Variants in PLCG2 observed in about 807,000 individuals in gnomAD.
PLCG2 encodes the protein 1-phosphatidylinositol 4,5-bisphosphate phosphodiesterase gamma-2.
In PLCG2, 69 loss-of-function variants were observed where a neutral mutation model predicts 175.6. The observed-to-expected ratio is 0.39, with a 90% CI of 0.32 to 0.48. PLCG2 has a LOEUF of 0.48. PLCG2 is among the 20% of genes least tolerant of loss of function. The pLI, the probability that PLCG2 is intolerant of heterozygous loss-of-function variation, is 0.91. For synonymous variants in PLCG2, 827 were observed against 624.0 expected, an observed-to-expected ratio of 1.33 and a Z score of -4.85; for missense variants, 1,798 against 1,650.9, an observed-to-expected ratio of 1.09 and a Z score of -1.54.
Position 81,962,065 on chromosome 16 carries a change from T to C in PLCG2, c.*4067T>C, listed in dbSNP as rs950103025. On this transcript the variant is annotated 3_prime_UTR_variant, in exon 33 of 33. Coordinates refer to ENST00000564138, the MANE Select transcript of PLCG2 (RefSeq NM_002661.5). Reference sequence around the variant, plus strand: ...GTCCCTCCCGAAGCTGCGCGCTCCGTCGAAGAGGACGACCAACCCCGATAG... The same window carrying C: ...GTCCCTCCCGAAGCTGCGCGCTCCGCCGAAGAGGACGACCAACCCCGATAG... 2.1e-5 allele frequency: 4 copies of C among 187,550 alleles called. No homozygotes were observed. Among genetic ancestry groups the C allele is most frequent in the Non-Finnish European group, 4.5e-5 (4 of 88,072 alleles). The allele number at this position is 187,550 out of a possible 1,614,324, so 11.6% of individuals were successfully genotyped here.
intron 5 of PLCG2, among the ~76,000 whole-genome samples, chr16:81,860,630 C>G (rs768175868): frequency 2.0e-5 from 3 of 152,028 alleles, no homozygotes; most frequent in Non-Finnish European, 4.4e-5. Context: ...ATTTTTAATT[C>G]ATTATGTTTT....
At chr16:81,879,615 G>T (rs1907981656) in intron 7 of PLCG2, among the ~76,000 whole-genome samples, 2 of 152,156 alleles carry the variant, frequency 1.3e-5, no homozygotes, top group Admixed American at 1.3e-4. Flanking sequence ...GGGTCATCTG[G>T]GGTAGGAGAT....
chr16:81,957,911 A>G (rs781288076), intron 32 of PLCG2, 45 bp from the exon 33 acceptor site: 2 of 1,576,886 alleles, frequency 1.3e-6, no homozygotes, highest in South Asian at 1.1e-5. Flanking sequence ...CACGCAGCCC[A>G]TTTCTCATGG....
intron 29 of PLCG2, 53 bp from the exon 30 acceptor site, chr16:81,939,839 C>T: frequency 7.8e-7 from 1 of 1,274,916 alleles, no homozygotes; most frequent in Non-Finnish European, 1.1e-6. Context: ...GATTGTCTTA[C>T]CAGAAGGGGG....
At chr16:81,768,602 G>T (rs976839019) in intron 2 of PLCG2, among the ~76,000 whole-genome samples, 2 of 117,298 alleles carry the variant, frequency 1.7e-5, no homozygotes, top group Non-Finnish European at 3.3e-5. Context: ...TTTCGCTCTT[G>T]TTGCCCAGGC....
intron 5 of PLCG2, among the ~76,000 whole-genome samples, chr16:81,866,094 C>T (rs1274631638): frequency 2.6e-5 from 3 of 116,376 alleles, no homozygotes; most frequent in Non-Finnish European, 5.1e-5. Flanking sequence ...CCACTGGGCA[C>T]CAGCATGAGA....
intron 5 of PLCG2, among the ~76,000 whole-genome samples, chr16:81,860,885 G>A (rs957879856): frequency 1.3e-5 from 2 of 152,070 alleles, no homozygotes; most frequent in African/African-American, 4.8e-5. Flanking sequence ...GCTGAGGCAG[G>A]AGAATTGCTT....
intron 2 of PLCG2, among the ~76,000 whole-genome samples, chr16:81,847,752 C>T (rs1272315318): frequency 6.6e-6 from 1 of 152,168 alleles, no homozygotes; most frequent in Non-Finnish European, 1.5e-5. Context: ...TAATTATTTA[C>T]ATAACATTTA....
intron 13 of PLCG2, among the ~76,000 whole-genome samples, chr16:81,899,111 C>G (rs1416204169): frequency 2.0e-5 from 3 of 152,134 alleles, no homozygotes; most frequent in African/African-American, 7.2e-5. Flanking sequence ...ATTGCTTGAA[C>G]TTGGGAGGCG....
intron 2 of PLCG2, 144 bp downstream of exon 2, chr16:81,786,326 G>C: frequency 1.4e-6 from 1 of 713,026 alleles, no homozygotes; most frequent in East Asian, 2.8e-5. Flanking sequence ...AGCATTGCCA[G>C]TTTGTGTGGA....
At chr16:81,854,888 TA>T (rs1906603586) in intron 3 of PLCG2, among the ~76,000 whole-genome samples, 1 of 152,116 alleles carries the variant, frequency 6.6e-6, no homozygotes, top group Non-Finnish European at 1.5e-5. Flanking sequence ...AAGTGATGAT[TA>T]GATAGTTTTA....
At chr16:81,850,149 C>T (rs1327580906) in intron 2 of PLCG2, among the ~76,000 whole-genome samples, 3 of 152,106 alleles carry the variant, frequency 2.0e-5, no homozygotes, top group South Asian at 4.1e-4. Context: ...TTCAAGTCTA[C>T]TGTAAAAAGA....
At chr16:81,829,299 G>A (rs1353449543) in intron 2 of PLCG2, among the ~76,000 whole-genome samples, 1 of 152,106 alleles carries the variant, frequency 6.6e-6, no homozygotes, top group Non-Finnish European at 1.5e-5. Context: ...AGTAGAGATG[G>A]GATTTCACCC....
Position 81,961,051 on chromosome 16 carries a change from G to T in PLCG2, c.*3053G>T, listed in dbSNP as rs1027601229. On this transcript the variant is annotated 3_prime_UTR_variant, in exon 33 of 33. Coordinates refer to ENST00000564138, the MANE Select transcript of PLCG2 (RefSeq NM_002661.5). ...GGAAAGTGAAAGACTTATCAACAGG[G>T]CACAAATCTTTTTGCAAATGGATTT... 14 of 231,188 alleles carry T rather than the reference G, an allele frequency of 6.1e-5. No homozygotes were observed. Among genetic ancestry groups the T allele is most frequent in the Admixed American group, 5.1e-4 (9 of 17,708 alleles). The allele number at this position is 231,188 out of a possible 1,614,324, so 14.3% of individuals were successfully genotyped here. A position where few individuals can be genotyped will look rare whatever the true frequency, so the allele number is the denominator to read the frequency against.
At chr16:81,885,131 A>G (rs1908294270) in intron 9 of PLCG2, among the ~76,000 whole-genome samples, 1 of 150,772 alleles carries the variant, frequency 6.6e-6, no homozygotes, top group Non-Finnish European at 1.5e-5. Flanking sequence ...TGTTCAAGTG[A>G]TTCTCCTGCC....
At chr16:81,779,039 T>G (rs966459407), upstream of PLCG2, among the ~76,000 whole-genome samples, 1 of 152,178 alleles carries the variant, frequency 6.6e-6, no homozygotes. Flanking sequence ...GGAATTCCCT[T>G]TGCACCTGGC....
intron 1 of PLCG2, among the ~76,000 whole-genome samples, chr16:81,781,032 A>AACAT (rs1253793832): frequency 3.3e-5 from 5 of 150,714 alleles, no homozygotes; most frequent in Admixed American, 3.3e-4. Context: ...TCTCAAGACA[A>AACAT]ACAAACAAAC....
intron 2 of PLCG2, among the ~76,000 whole-genome samples, chr16:81,822,616 G>T (rs1904849075): frequency 6.6e-6 from 1 of 152,152 alleles, no homozygotes; most frequent in African/African-American, 2.4e-5. Context: ...AATTAACTGG[G>T]CATGGTGGCG....
Position 81,940,062 on chromosome 16 carries a change from A to G in PLCG2, c.3481+3A>G. On this transcript the variant is annotated splice_donor_region_variant and intron_variant, in intron 30 of 32. Coordinates refer to ENST00000564138, the MANE Select transcript of PLCG2 (RefSeq NM_002661.5). Reference sequence around the variant, plus strand: ...CCCCATTAAAGCAGTCAAATCAGGTAAGAGGCATTTTAATTAAGATGTTCG... The same window carrying G: ...CCCCATTAAAGCAGTCAAATCAGGTGAGAGGCATTTTAATTAAGATGTTCG... 1 of 1,598,630 alleles carries G rather than the reference A, an allele frequency of 6.3e-7. No individual in the cohort carries two copies. The highest frequency in any genetic ancestry group is 8.6e-7 in the Non-Finnish European group (1 of 1,166,930).
Sources: gnomAD v4.1 joint callset for allele counts (sites outside exome capture counted in the v4.1 genomes callset) on GRCh38, gnomAD v4.1.1 for gene constraint, MANE v1.5 for transcripts, NCBI Gene and HGNC (gene_info 2026-07-23, HGNC 2026-07-21) for gene names.